Variants in COBL observed in about 807,000 individuals in gnomAD.
The protein encoded by COBL is cordon-bleu WH2 repeat protein.
A neutral mutation model predicts 98.8 loss-of-function variants in COBL; 51 were observed. The observed-to-expected ratio is 0.52, with a 90% CI of 0.41 to 0.65. The LOEUF (loss-of-function observed/expected upper bound fraction) is 0.65, where lower values mean the gene tolerates loss of function less well. Ranked by LOEUF, COBL falls within the 30% of genes least tolerant of loss-of-function variation. COBL has a pLI of 0.00. For missense variants in COBL, 1,617 were observed against 1,617.5 expected (o/e 1.00, Z 0.01); for synonymous variants, 634 against 651.7 (o/e 0.97, Z 0.41).
At chr7:51,096,948 T>C in intron 6 of COBL, among the ~76,000 whole-genome samples, 1 of 152,160 alleles carries the variant, frequency 6.6e-6, no homozygotes, top group Non-Finnish European at 1.5e-5. Context: ...TTTCAAAATC[T>C]TTCCAAATAT....
At chr7:51,299,872 C>A (rs941059596) in intron 1 of COBL, among the ~76,000 whole-genome samples, 1 of 152,174 alleles carries the variant, frequency 6.6e-6, no homozygotes, top group East Asian at 1.9e-4. Context: ...CTACTTGAGG[C>A]ACCATCAATG....
intron 12 of COBL, among the ~76,000 whole-genome samples, chr7:51,020,327 G>C (rs990519215): frequency 6.6e-6 from 1 of 152,184 alleles, no homozygotes; most frequent in Non-Finnish European, 1.5e-5. Context: ...GCCTGTCCCA[G>C]CTTCTTTGGA....
At chr7:51,054,841 C>T (rs1282087226) in intron 7 of COBL, among the ~76,000 whole-genome samples, 1 of 152,222 alleles carries the variant, frequency 6.6e-6, no homozygotes, top group Non-Finnish European at 1.5e-5. Flanking sequence ...GGGCACATCA[C>T]CCATGATATG....
intron 1 of COBL, among the ~76,000 whole-genome samples, chr7:51,313,428 G>A (rs1468187693): frequency 6.6e-6 from 1 of 152,128 alleles, no homozygotes; most frequent in Non-Finnish European, 1.5e-5. Flanking sequence ...CTAATAACTT[G>A]ATTAAATAAA....
chr7:51,109,693 T>C (rs1447222327), intron 6 of COBL, among the ~76,000 whole-genome samples: 2 of 152,178 alleles, frequency 1.3e-5, no homozygotes, highest in Non-Finnish European at 2.9e-5. Context: ...ACTGACTACA[T>C]GCCAGGCACT....
intron 8 of COBL, among the ~76,000 whole-genome samples, chr7:51,037,749 A>G (rs1271277223): frequency 6.6e-6 from 1 of 152,240 alleles, no homozygotes; most frequent in African/African-American, 2.4e-5. Context: ...GTCAAATTTC[A>G]ACTGAGATTT....
At chr7:51,106,383 G>T (rs1796272097) in intron 6 of COBL, among the ~76,000 whole-genome samples, 1 of 152,128 alleles carries the variant, frequency 6.6e-6, no homozygotes. Flanking sequence ...TGTGTAAGGG[G>T]CATGTTTGCT....
Position 51,038,513 on chromosome 7 carries a change from T to C in COBL, c.1406+4870A>G, listed in dbSNP as rs188687750. On this transcript the variant is annotated intron_variant, in intron 8 of 12. Coordinates refer to ENST00000265136, the MANE Select transcript of COBL (RefSeq NM_015198.5). Reference sequence around the variant, plus strand: ...CTAGATGATTTTGACCTTCATAGGGTGCAGGGAAAGGAGAAATAGCTAAGA... The same window carrying C: ...CTAGATGATTTTGACCTTCATAGGGCGCAGGGAAAGGAGAAATAGCTAAGA... 3.3e-3 allele frequency among the ~76,000 whole-genome samples: 495 copies of C among 152,230 alleles called. 13 individuals are homozygous for C. In the South Asian group the frequency reaches 0.043, roughly 13 times the overall value.
chr7:51,241,770 C>T (rs1014941560), intron 1 of COBL, among the ~76,000 whole-genome samples: 9 of 152,184 alleles, frequency 5.9e-5, no homozygotes, highest in African/African-American at 2.2e-4. Context: ...CTTCCAGACT[C>T]ATGATCCTCG....
At chr7:51,036,168 C>A (rs1788613902) in intron 8 of COBL, among the ~76,000 whole-genome samples, 1 of 151,932 alleles carries the variant, frequency 6.6e-6, no homozygotes. Flanking sequence ...AGGGCGAAAC[C>A]CCATCTCTAC....
At chr7:51,047,987 CA>C (rs530524283) in intron 7 of COBL, among the ~76,000 whole-genome samples, 119 of 152,144 alleles carry the variant, frequency 7.8e-4, no homozygotes, top group African/African-American at 2.8e-3. Flanking sequence ...GCCAACATGG[CA>C]AAACCTTGTC....
intron 1 of COBL, among the ~76,000 whole-genome samples, chr7:51,284,768 G>GGT (rs1192859883): frequency 6.7e-6 from 1 of 150,002 alleles, no homozygotes; most frequent in Non-Finnish European, 1.5e-5. Context: ...CAGAGGTTGT[G>GGT]GTGAGCCAAG....
rs145641215 is a variant in COBL at position 51,054,475 on chromosome 7, T to C, written c.1097-10783A>G. Among the ~76,000 whole-genome samples, 1,004 of 152,272 alleles carry C rather than the reference T, an allele frequency of 6.6e-3. 31 individuals are homozygous for C. The highest frequency in any genetic ancestry group is 0.044 in the East Asian group (228 of 5,166). ...GGGCTTGTTGGGAGATGGCCATGTT[T>C]CAGGTGAACTGAAGCTACTGTAACT... On this transcript the variant is annotated intron_variant, in intron 7 of 12. Transcript: ENST00000265136.
chr7:51,260,031 C>G (rs913411184), intron 1 of COBL: 1 of 811,054 alleles, frequency 1.2e-6, no homozygotes, highest in African/African-American at 1.7e-5. Context: ...TAACTTGAGC[C>G]CTTTTCCTTT....
At chr7:51,234,561 C>T (rs948742270) in intron 1 of COBL, among the ~76,000 whole-genome samples, 8 of 151,884 alleles carry the variant, frequency 5.3e-5, no homozygotes, top group African/African-American at 1.9e-4. Context: ...ACTAGCCGGG[C>T]GTGTTGGTGT....
In COBL at chr7:51,219,706, A is replaced by C. The variant is rs192922810; in HGVS notation, c.245+35T>G. The C allele has an allele frequency of 4.8e-5, 76 of 1,599,152 alleles. 1 individual carries two copies. The East Asian group carries it at 7.2e-4, about 15-fold the overall frequency. On this transcript the variant is annotated intron_variant, in intron 2 of 12. Transcript: ENST00000265136. ...TTCTCCCCGCTATACTCGCAAAGTG[A>C]GTACAGCGACTCCTCCTGCAGCACC...
At chr7:51,200,018 T>A (rs1179840958) in intron 2 of COBL, among the ~76,000 whole-genome samples, 1 of 152,132 alleles carries the variant, frequency 6.6e-6, no homozygotes, top group Non-Finnish European at 1.5e-5. Flanking sequence ...AAGAGACAAT[T>A]TTGAAAGCAG....
chr7:51,194,616 C>G (rs1790424235), intron 2 of COBL, among the ~76,000 whole-genome samples: 1 of 152,142 alleles, frequency 6.6e-6, no homozygotes, highest in Non-Finnish European at 1.5e-5. Context: ...GCAACCTTAC[C>G]AGCATCTGTT....
At chr7:51,114,618 GT>G (rs1197361425) in intron 6 of COBL, among the ~76,000 whole-genome samples, 1 of 152,154 alleles carries the variant, frequency 6.6e-6, no homozygotes, top group Non-Finnish European at 1.5e-5. Flanking sequence ...TTGATCAGAA[GT>G]TTGTCCTGAC....
Sources: gnomAD v4.1 joint callset for allele counts (sites outside exome capture counted in the v4.1 genomes callset) on GRCh38, gnomAD v4.1.1 for gene constraint, MANE v1.5 for transcripts, NCBI Gene and HGNC (gene_info 2026-07-23, HGNC 2026-07-21) for gene names.